Variants in SDK1 observed in about 807,000 individuals in gnomAD.
The protein encoded by SDK1 is sidekick cell adhesion molecule 1, also known as protein sidekick-1.
A neutral mutation model predicts 245.5 loss-of-function variants in SDK1; 157 were observed. The observed-to-expected ratio is 0.64, with a 90% confidence interval of 0.56 to 0.73. The LOEUF (loss-of-function observed/expected upper bound fraction) is 0.73. Among genes scored for constraint, SDK1 ranks in the 30% least tolerant of loss-of-function variants. SDK1 has a pLI of 0.00. For missense variants in SDK1, 3,583 were observed against 3,002.3 expected (o/e 1.19, Z -4.52); for synonymous variants, 1,647 against 1,278.5 (o/e 1.29, Z -6.15).
At chr7:3,642,301 C>A (rs1052484196) in intron 4 of SDK1, among the ~76,000 whole-genome samples, 196 bp downstream of exon 4, 1 of 152,310 alleles carries the variant, frequency 6.6e-6, no homozygotes, top group Admixed American at 6.5e-5. Context: ...AAGCAAATAA[C>A]TGTCTAATAT....
At chr7:4,105,522 G>T (rs1417050496) in intron 22 of SDK1, among the ~76,000 whole-genome samples, 1 of 149,732 alleles carries the variant, frequency 6.7e-6, no homozygotes, top group Admixed American at 6.7e-5. Context: ...GGCCAGGCTG[G>T]TCTTGATCTC....
intron 4 of SDK1, among the ~76,000 whole-genome samples, chr7:3,795,165 T>A (rs1778931771): frequency 6.6e-6 from 1 of 152,124 alleles, no homozygotes; most frequent in South Asian, 2.1e-4. Flanking sequence ...TTTAACCACA[T>A]CAAGTTGCCC....
chr7:3,438,794 C>G (rs1033435712), intron 1 of SDK1, among the ~76,000 whole-genome samples: 9 of 151,432 alleles, frequency 5.9e-5, no homozygotes, highest in African/African-American at 2.2e-4. Context: ...AAAGTTTATA[C>G]TTTACTAAGT....
chr7:3,517,196 G>C (rs922184957), intron 1 of SDK1, among the ~76,000 whole-genome samples: 3 of 152,148 alleles, frequency 2.0e-5, no homozygotes, highest in Non-Finnish European at 4.4e-5. Flanking sequence ...ATAGGAAGCT[G>C]TATTATTAGG....
intron 1 of SDK1, among the ~76,000 whole-genome samples, chr7:3,455,171 T>C (rs553065842): frequency 3.3e-5 from 5 of 152,080 alleles, no homozygotes; most frequent in South Asian, 2.1e-4. Flanking sequence ...TTTAAAAATA[T>C]ATATTCTAGA....
chr7:3,435,703 A>G (rs1242597000), intron 1 of SDK1, among the ~76,000 whole-genome samples: 5 of 151,858 alleles, frequency 3.3e-5, no homozygotes, highest in African/African-American at 1.2e-4. Flanking sequence ...ACTCATCTCT[A>G]TCCTACTTTA....
intron 4 of SDK1, among the ~76,000 whole-genome samples, chr7:3,799,893 A>G (rs546452874): frequency 6.6e-6 from 1 of 152,044 alleles, no homozygotes. Context: ...GGGGTTTTTT[A>G]AAATTTATTC....
At chr7:4,229,272 G>A (rs986281245) in intron 40 of SDK1, among the ~76,000 whole-genome samples, 11 of 152,202 alleles carry the variant, frequency 7.2e-5, no homozygotes, top group Admixed American at 6.5e-4. Context: ...ATATTAGTAC[G>A]AGATAAGTAG....
At chr7:3,987,828 T>A (rs151252027) in intron 14 of SDK1, among the ~76,000 whole-genome samples, 2 of 152,244 alleles carry the variant, frequency 1.3e-5, no homozygotes, top group Admixed American at 1.3e-4. Context: ...CGTGGGCCAC[T>A]CACAGCCTTG....
At chr7:3,409,488 A>G (rs1341899515) in intron 1 of SDK1, among the ~76,000 whole-genome samples, 1 of 151,970 alleles carries the variant, frequency 6.6e-6, no homozygotes, top group African/African-American at 2.4e-5. Flanking sequence ...TACTGCTTCT[A>G]TTTTCATCAA....
At chr7:3,493,467 G>A (rs1219882276) in intron 1 of SDK1, among the ~76,000 whole-genome samples, 1 of 152,170 alleles carries the variant, frequency 6.6e-6, no homozygotes, top group Non-Finnish European at 1.5e-5. Flanking sequence ...CTAGTGTGGT[G>A]TGCTGTTCTC....
chr7:3,864,244 T>C (rs543149828), intron 5 of SDK1, among the ~76,000 whole-genome samples: 53 of 152,356 alleles, frequency 3.5e-4, no homozygotes, highest in African/African-American at 1.2e-3. Context: ...TTATGTCAAT[T>C]TGGGCAGGGA....
Position 3,454,585 on chromosome 7 carries a change from C to T in SDK1, c.298+152701C>T, listed in dbSNP as rs74342345. 7.2e-3 allele frequency among the ~76,000 whole-genome samples: 1,096 copies of T among 152,246 alleles called. 13 individuals are homozygous for T. The highest frequency in any genetic ancestry group is 0.025 in the African/African-American group (1,036 of 41,544). On this transcript the variant is annotated intron_variant, in intron 1 of 44. Coordinates refer to ENST00000404826, the MANE Select transcript of SDK1 (RefSeq NM_152744.4). ...CAGCTGCAATAACACATTTGTTTTC[C>T]GTTTCTATAATACGGTATGTAACCT...
intron 1 of SDK1, among the ~76,000 whole-genome samples, chr7:3,587,187 C>T (rs182787113): frequency 4.6e-5 from 7 of 152,224 alleles, no homozygotes; most frequent in South Asian, 4.2e-4. Flanking sequence ...AAGAATTTAG[C>T]GGTCAATTTG....
intron 4 of SDK1, among the ~76,000 whole-genome samples, chr7:3,645,578 T>C (rs1782808784): frequency 1.3e-5 from 2 of 152,248 alleles, no homozygotes; most frequent in Admixed American, 6.5e-5. Context: ...CCTGAAACTA[T>C]GTACATCTAT....
At chr7:3,754,075 A>G (rs1238734829) in intron 4 of SDK1, among the ~76,000 whole-genome samples, 1 of 152,202 alleles carries the variant, frequency 6.6e-6, no homozygotes, top group African/African-American at 2.4e-5. Flanking sequence ...ATTGGTTGTA[A>G]AAGATGTTTT....
At chr7:3,459,631 G>T (rs1583888735) in intron 1 of SDK1, among the ~76,000 whole-genome samples, 3 of 152,106 alleles carry the variant, frequency 2.0e-5, no homozygotes, top group Non-Finnish European at 4.4e-5. Flanking sequence ...TTAAAATCAG[G>T]GAAGAAAATG....
chr7:3,850,843 C>T (rs955436915), intron 5 of SDK1, among the ~76,000 whole-genome samples: 2 of 140,306 alleles, frequency 1.4e-5, no homozygotes, highest in Non-Finnish European at 3.0e-5. Flanking sequence ...GAACATCACA[C>T]ACCGGGGCCT....
At chr7:3,684,424 C>G (rs1280885226) in intron 4 of SDK1, among the ~76,000 whole-genome samples, 1 of 152,200 alleles carries the variant, frequency 6.6e-6, no homozygotes, top group Non-Finnish European at 1.5e-5. Context: ...GGAGTCAGTG[C>G]TTCCCTTTTG....
Sources: gnomAD v4.1 joint callset for allele counts (sites outside exome capture counted in the v4.1 genomes callset) on GRCh38, gnomAD v4.1.1 for gene constraint, MANE v1.5 for transcripts, NCBI Gene and HGNC (gene_info 2026-07-23, HGNC 2026-07-21) for gene names.